TCERG1L: variants seen among roughly 807,000 people sequenced by gnomAD.
TCERG1L encodes transcription elongation regulator 1 like.
TCERG1L carries 37 observed loss-of-function variants against 56.3 expected under a neutral mutation model. The ratio of observed to expected loss-of-function variants is 0.66; its 90% CI spans 0.51 to 0.87. The LOEUF is 0.87. TCERG1L is among the 40% of genes least tolerant of loss of function. The pLI is 0.00. For missense variants in TCERG1L, 799 were observed against 774.2 expected (o/e 1.03, Z -0.38); for synonymous variants, 324 against 326.3 (o/e 0.99, Z 0.08).
intron 3 of TCERG1L, among the ~76,000 whole-genome samples, chr10:131,266,952 G>T (rs1466055091): frequency 1.3e-5 from 2 of 152,080 alleles, no homozygotes; most frequent in Non-Finnish European, 2.9e-5. Flanking sequence ...TGGTCCATGG[G>T]TGGCCATGAG....
At chr10:131,176,625 G>A (rs199527658) in intron 4 of TCERG1L, among the ~76,000 whole-genome samples, 44 of 38,058 alleles carry the variant, frequency 1.2e-3, no homozygotes, top group African/African-American at 8.5e-3. Flanking sequence ...CACACACCAT[G>A]ACATGTGCAC....
At chr10:131,153,253 T>C (rs1845884294) in intron 6 of TCERG1L, among the ~76,000 whole-genome samples, 1 of 152,052 alleles carries the variant, frequency 6.6e-6, no homozygotes, top group African/African-American at 2.4e-5. Flanking sequence ...CTTAGACTCA[T>C]CTCCAGCCAG....
intron 4 of TCERG1L, among the ~76,000 whole-genome samples, chr10:131,248,480 G>T (rs929084737): frequency 5.9e-5 from 9 of 152,066 alleles, no homozygotes; most frequent in Non-Finnish European, 8.8e-5. Flanking sequence ...TGGCTCGGAG[G>T]GCCACACTCC....
chr10:131,095,729 TTA>T (rs1845238832), intron 11 of TCERG1L: 1 of 152,234 alleles, frequency 6.6e-6, no homozygotes, highest in African/African-American at 2.4e-5. Context: ...CCCTATAACA[TTA>T]TGTTGTATAG....
At chr10:131,210,061 AAGG>A (rs1845600268) in intron 4 of TCERG1L, among the ~76,000 whole-genome samples, 1 of 152,230 alleles carries the variant, frequency 6.6e-6, no homozygotes, top group Non-Finnish European at 1.5e-5. Context: ...TGCAATACAG[AAGG>A]AACAGAAGTG....
Position 131,093,140 on chromosome 10 carries a change from C to T in TCERG1L, c.*22G>A, listed in dbSNP as rs773603016. 17 of 1,611,152 alleles carry T rather than the reference C, an allele frequency of 1.1e-5. No homozygotes were observed. The highest frequency in any genetic ancestry group is 2.2e-5 in the East Asian group (1 of 44,800). On this transcript the variant is annotated 3_prime_UTR_variant, in exon 12 of 12. Transcript: ENST00000368642. Reference sequence around the variant, plus strand: ...GGCACGCCCAGGGTCAACCCCCGGGCTTATTGCATTTTTTCACAAACTCAT... The same window carrying T: ...GGCACGCCCAGGGTCAACCCCCGGGTTTATTGCATTTTTTCACAAACTCAT...
intron 4 of TCERG1L, among the ~76,000 whole-genome samples, chr10:131,202,080 G>A (rs537478005): frequency 8.5e-5 from 13 of 152,284 alleles, no homozygotes; most frequent in South Asian, 6.2e-4. Flanking sequence ...TAAGAGTCTC[G>A]ATTTATATTA....
intron 3 of TCERG1L, among the ~76,000 whole-genome samples, chr10:131,282,519 T>C (rs1158411147): frequency 1.3e-5 from 2 of 152,182 alleles, no homozygotes; most frequent in Admixed American, 1.3e-4. Context: ...CTGAAAACTT[T>C]TCACTAGAAG....
In TCERG1L at chr10:131,116,065, G is replaced by A. The variant is rs913133049; in HGVS notation, c.1395+734C>T. Among the ~76,000 whole-genome samples the A allele has an allele frequency of 4.6e-5, 7 of 152,192 alleles. 2 individuals are homozygous for A. The highest frequency in any genetic ancestry group is 1.9e-4 in the East Asian group (1 of 5,158). On this transcript the variant is annotated intron_variant, in intron 9 of 11. Transcript: ENST00000368642. ...CTCACACGTGGGGCCCACCACTGCC[G>A]CCTGCAGTCAGCCTTATTTTGTAAG... is the stretch of plus-strand genomic sequence containing the variant.
intron 10 of TCERG1L, among the ~76,000 whole-genome samples, chr10:131,101,828 G>A (rs918252162): frequency 3.3e-5 from 5 of 152,076 alleles, no homozygotes; most frequent in African/African-American, 4.8e-5. Context: ...AGCCTCCTGA[G>A]TAACTGGGAT....
chr10:131,176,359 G>A (rs1175842772), intron 4 of TCERG1L, among the ~76,000 whole-genome samples: 1 of 139,688 alleles, frequency 7.2e-6, no homozygotes, highest in Non-Finnish European at 1.6e-5. Flanking sequence ...CACATACAAA[G>A]AGGCACATGC....
chr10:131,278,525 T>C (rs1442399742), intron 3 of TCERG1L, among the ~76,000 whole-genome samples: 4 of 151,216 alleles, frequency 2.6e-5, no homozygotes, highest in Non-Finnish European at 5.9e-5. Flanking sequence ...GTATTGTTAG[T>C]AGAGACAGGG....
At position 131,099,255 on chromosome 10, in the gene TCERG1L, C is replaced by T. The variant is rs183183410; in HGVS notation, c.1486-831G>A. On this transcript the variant is annotated intron_variant, in intron 10 of 11. Coordinates refer to ENST00000368642, the MANE Select transcript of TCERG1L (RefSeq NM_174937.4). Reference sequence around the variant, plus strand: ...GCACTTCTCCTGGAACCTGGCAGCCCGCATAACGAGATGCAATCTCTTTGT... The same window carrying T: ...GCACTTCTCCTGGAACCTGGCAGCCTGCATAACGAGATGCAATCTCTTTGT... Among the ~76,000 whole-genome samples, 345 of 152,316 alleles carry T rather than the reference C, an allele frequency of 2.3e-3. 3 individuals are homozygous for T. Among genetic ancestry groups the T allele is most frequent in the Non-Finnish European group, 4.0e-3 (271 of 68,030 alleles).
At chr10:131,174,799 G>A (rs1021863067) in intron 4 of TCERG1L, among the ~76,000 whole-genome samples, 4 of 152,086 alleles carry the variant, frequency 2.6e-5, no homozygotes, top group African/African-American at 7.2e-5. Flanking sequence ...TCCACAAGAA[G>A]GGGTCTCAGT....
At chr10:131,150,866 G>A (rs1018219953) in intron 6 of TCERG1L, among the ~76,000 whole-genome samples, 2 of 152,136 alleles carry the variant, frequency 1.3e-5, no homozygotes, top group African/African-American at 4.8e-5. Flanking sequence ...TCATGACTGG[G>A]GAGGCCTCAG....
At chr10:131,239,847 C>G (rs1160109736) in intron 4 of TCERG1L, among the ~76,000 whole-genome samples, 2 of 152,222 alleles carry the variant, frequency 1.3e-5, no homozygotes, top group African/African-American at 4.8e-5. Context: ...TCCCTCATGG[C>G]CCCTAGAAAG....
At position 131,288,406 on chromosome 10, in the gene TCERG1L, T is replaced by G. The variant is rs2099634; in HGVS notation, c.670+19805A>C. ...CCAGCATTTTACTCTCCCACCCTCA[T>G]CTCATTATGGTCACGTGGATGCAGA... On this transcript the variant is annotated intron_variant, in intron 3 of 11. Coordinates refer to ENST00000368642, the MANE Select transcript of TCERG1L (RefSeq NM_174937.4). 9.9e-3 allele frequency among the ~76,000 whole-genome samples: 1,499 copies of G among 152,146 alleles called. 91 individuals are homozygous for G. The highest frequency in any genetic ancestry group is 0.088 in the Admixed American group (1,349 of 15,292).
At chr10:131,221,789 G>A (rs1428700208) in intron 4 of TCERG1L, among the ~76,000 whole-genome samples, 1 of 152,228 alleles carries the variant, frequency 6.6e-6, no homozygotes, top group African/African-American at 2.4e-5. Context: ...TCTGCAGTGT[G>A]AAAATTGTAC....
chr10:131,128,005 A>G (rs1340682318), intron 8 of TCERG1L, among the ~76,000 whole-genome samples: 2 of 152,226 alleles, frequency 1.3e-5, no homozygotes, highest in Admixed American at 1.3e-4. Flanking sequence ...TTCAAAAAGA[A>G]GCTAAATAGT....
Sources: allele counts gnomAD v4.1 joint callset (sites outside exome capture counted in the v4.1 genomes callset), GRCh38; gene constraint gnomAD v4.1.1; transcripts MANE v1.5; gene names NCBI Gene and HGNC (gene_info 2026-07-23, HGNC 2026-07-21).